The following ASXL1 variants were observed in gnomAD, a reference collection of about 807,000 sequenced individuals.
ASXL1 encodes the protein polycomb group protein ASXL1.
A neutral mutation model predicts 89.1 loss-of-function variants in ASXL1; 65 were observed. The observed-to-expected ratio is 0.73, with a 90% CI of 0.60 to 0.90. The LOEUF (loss-of-function observed/expected upper bound fraction) is 0.90, where lower values mean the gene tolerates loss of function less well. Among genes scored for constraint, ASXL1 ranks in the 40% least tolerant of loss-of-function variants. ASXL1 has a pLI of 0.00. For missense variants in ASXL1, 1,786 were observed against 1,942.9 expected (o/e 0.92, Z 1.52); for synonymous variants, 739 against 746.9 (o/e 0.99, Z 0.17).
rs1190521844 is a variant in ASXL1 at position 32,429,338 on chromosome 20, G to A, written c.472G>A (p.Ala158Thr). ...TCTTTTGTTCTCTCTTGGAACGCAG[G>A]CGAACAAACAAAAGAAAAAGACTGG... is the stretch of plus-strand genomic sequence containing the variant. ...PRDSYRASSQ[A>T]NKQKKKTGVM... The change falls in exon 7 of 13, where the codon GCG becomes ACG. Residue 158 changes from alanine to threonine, a missense_variant and splice_region_variant. Physicochemically the swap from Ala to Thr is moderately conservative, Grantham distance 58. Around this residue, in one of 3 missense-constraint regions of ASXL1, gnomAD observed 332 missense variants for 449.7 expected, o/e 0.74. Coordinates refer to ENST00000375687, the MANE Select transcript of ASXL1 (RefSeq NM_015338.6). The surrounding 1 kb of genome is among the most constrained non-coding windows in gnomAD (Gnocchi z 4.9). The A allele has an allele frequency of 1.2e-6, 2 of 1,614,094 alleles. No homozygotes were observed. The highest frequency in any genetic ancestry group is 1.7e-6 in the Non-Finnish European group (2 of 1,179,978).
At chr20:32,417,439 C>T (rs1213224930) in intron 4 of ASXL1, among the ~76,000 whole-genome samples, 2 of 152,118 alleles carry the variant, frequency 1.3e-5, no homozygotes, top group African/African-American at 4.8e-5. Context: ...AATAACAGCT[C>T]TTCCTTTTCT....
intron 4 of ASXL1, among the ~76,000 whole-genome samples, chr20:32,379,070 G>A (rs2048438150): frequency 6.7e-6 from 1 of 148,690 alleles, no homozygotes; most frequent in African/African-American, 2.5e-5. Flanking sequence ...GACAGAGTGA[G>A]ACTCTGTCTC....
chr20:32,379,215 CCTT>C (rs1325831765), intron 4 of ASXL1, among the ~76,000 whole-genome samples: 129 of 104,982 alleles, frequency 1.2e-3, no homozygotes, highest in African/African-American at 4.7e-3. Context: ...GACAGAGTCT[CCTT>C]CTGTCACCCA....
Position 32,436,998 on chromosome 20 carries a change from C to T in ASXL1, c.4286C>T (p.Ser1429Phe), listed in dbSNP as rs1212344694. ...CTCAGTGAGCCTCTGGAGCCTTCTT[C>T]TCTCCCCTCCCAACTCAGCATCAAG... The part of the protein sequence containing the change: ...KGLSEPLEPS[S>F]LPSQLSIKQA... Residue 1429 changes from serine (S) to phenylalanine (F), a missense_variant, in exon 13 of 13, where the codon TCT (serine) becomes TTT (phenylalanine). Ser to Phe is a radical substitution (Grantham distance 155, BLOSUM62 -2). This residue lies in a region of ASXL1 where 1,418 missense variants were observed against 1,427.8 expected (regional missense o/e 0.99). Coordinates refer to ENST00000375687, the MANE Select transcript of ASXL1 (RefSeq NM_015338.6). 7 of 1,613,988 alleles carry T rather than the reference C, an allele frequency of 4.3e-6. No individual in the cohort carries two copies. The highest frequency in any genetic ancestry group is 3.3e-4 in the Middle Eastern group (2 of 6,084).
chr20:32,426,379 T>G (rs1209701017), intron 4 of ASXL1, among the ~76,000 whole-genome samples: 1 of 152,050 alleles, frequency 6.6e-6, no homozygotes, highest in Non-Finnish European at 1.5e-5. Flanking sequence ...TTAAGGAGTA[T>G]TTTATCTTAG....
intron 4 of ASXL1, among the ~76,000 whole-genome samples, chr20:32,399,745 CTCTT>C (rs2048837205): frequency 3.0e-5 from 2 of 66,614 alleles, no homozygotes; most frequent in South Asian, 5.5e-4. Flanking sequence ...ACATATTTTA[CTCTT>C]TTTTTTTTTT....
At chr20:32,378,549 G>C (rs940325908) in intron 4 of ASXL1, among the ~76,000 whole-genome samples, 1 of 152,104 alleles carries the variant, frequency 6.6e-6, no homozygotes, top group African/African-American at 2.4e-5. Context: ...TTGAGTTCTT[G>C]ATTTGAATTC....
intron 4 of ASXL1, among the ~76,000 whole-genome samples, chr20:32,401,994 T>C (rs1443160785): frequency 2.6e-5 from 4 of 152,238 alleles, no homozygotes; most frequent in Non-Finnish European, 5.9e-5. Context: ...ACTGTAATAT[T>C]TTCAGGCTGC....
At chr20:32,434,079 G>GGTT in intron 12 of ASXL1, 162 bp downstream of exon 12, 1 of 1,032,146 alleles carries the variant, frequency 9.7e-7, no homozygotes, top group Non-Finnish European at 1.4e-6. Context: ...TAGTGAGATA[G>GGTT]GTTCTTTTCT....
chr20:32,372,558 G>T (rs1022391248), intron 4 of ASXL1: 8 of 269,352 alleles, frequency 3.0e-5, no homozygotes, highest in African/African-American at 1.4e-4. Context: ...AACGAATTTA[G>T]TGAATAATGG....
At chr20:32,427,530 C>T in intron 4 of ASXL1, 1 of 167,790 alleles carries the variant, frequency 6.0e-6, no homozygotes, top group Non-Finnish European at 1.3e-5. Flanking sequence ...CCCTAGTTTC[C>T]CTGAGTTTGG....
At position 32,437,241 on chromosome 20, in the gene ASXL1, TG is replaced by T; in HGVS notation, c.4530del (p.Ala1512ProfsTer2). ...ATCTCGCTCCAGTGTGCGTGCAGCC[TG>T]AAAGCCATGATCATGTGCCAAGGCT... ...ESISLQCACS[L>X]KAMIMCQGCG... is the part of the protein sequence containing the mutation. On this transcript the variant is annotated frameshift_variant, in exon 13 of 13. Coordinates refer to ENST00000375687, the MANE Select transcript of ASXL1 (RefSeq NM_015338.6). LOFTEE classifies it high-confidence loss of function. 5 of 1,614,072 alleles carry T rather than the reference TG, an allele frequency of 3.1e-6. No homozygotes were observed. The highest frequency in any genetic ancestry group is 4.2e-6 in the Non-Finnish European group (5 of 1,179,938).
chr20:32,383,027 G>A (rs939833127), intron 4 of ASXL1, among the ~76,000 whole-genome samples: 1 of 152,148 alleles, frequency 6.6e-6, no homozygotes, highest in African/African-American at 2.4e-5. Context: ...GCATATGGCT[G>A]AGTTGAGGTT....
At chr20:32,401,872 C>A (rs6058678) in intron 4 of ASXL1, among the ~76,000 whole-genome samples, 1 of 151,700 alleles carries the variant, frequency 6.6e-6, no homozygotes, top group Non-Finnish European at 1.5e-5. Flanking sequence ...ACATATACGC[C>A]TATGATGAAA....
rs1248862151 is a variant in ASXL1, at chr20:32,405,911, CT to C, written c.253-22208del. Among the ~76,000 whole-genome samples the C allele has an allele frequency of 1.6e-4, 24 of 150,690 alleles. No homozygotes were observed. In the East Asian group the frequency reaches 4.1e-3, roughly 26 times the overall value. On this transcript the variant is annotated intron_variant, in intron 4 of 12. Coordinates refer to ENST00000375687, the MANE Select transcript of ASXL1 (RefSeq NM_015338.6). The stretch of plus-strand genomic sequence containing the variant: ...ATAAAGCTCCTTTTTACCCCCACCC[CT>C]TTTTTTTTGAGATGGGGTTTTGCTC...
chr20:32,409,999 C>T (rs976231903), intron 4 of ASXL1, among the ~76,000 whole-genome samples: 2 of 152,064 alleles, frequency 1.3e-5, no homozygotes, highest in African/African-American at 4.8e-5. Flanking sequence ...TGATGCTTTT[C>T]ATTATTAAAG....
intron 4 of ASXL1, among the ~76,000 whole-genome samples, chr20:32,399,160 A>C (rs1262204085): frequency 6.6e-6 from 1 of 151,952 alleles, no homozygotes; most frequent in African/African-American, 2.4e-5. Flanking sequence ...GCAGTTAGCC[A>C]AGATCATGCC....
At chr20:32,376,266 T>A (rs1257647910) in intron 4 of ASXL1, among the ~76,000 whole-genome samples, 2 of 151,502 alleles carry the variant, frequency 1.3e-5, no homozygotes, top group African/African-American at 2.4e-5. Context: ...ATTTTAATTT[T>A]ATTTTGTGTT....
intron 4 of ASXL1, among the ~76,000 whole-genome samples, chr20:32,385,553 A>T (rs1266622751): frequency 6.6e-6 from 1 of 152,166 alleles, no homozygotes; most frequent in Non-Finnish European, 1.5e-5. Context: ...TTTGAAATAC[A>T]GATGACTCTT....
Sources: allele counts gnomAD v4.1 joint callset (sites outside exome capture counted in the v4.1 genomes callset), GRCh38; gene constraint gnomAD v4.1.1; regional missense constraint gnomAD v4.1.1; non-coding constraint Gnocchi (gnomAD v3.1); transcripts MANE v1.5; gene names NCBI Gene and HGNC (gene_info 2026-07-23, HGNC 2026-07-21).